The following GLIS3 variants were observed in gnomAD, a reference collection of about 807,000 sequenced individuals.
GLIS3 encodes the protein GLIS family zinc finger 3.
A neutral mutation model predicts 78.6 loss-of-function variants in GLIS3; 53 were observed. The observed-to-expected ratio is 0.67, with a 90% CI of 0.54 to 0.85. The LOEUF is 0.85. Ranked by LOEUF, GLIS3 falls within the 40% of genes least tolerant of loss-of-function variation. The pLI, the probability that GLIS3 is intolerant of heterozygous loss-of-function variation, is 0.00. For missense variants in GLIS3, 1,703 were observed against 1,231.1 expected (o/e 1.38, Z -5.74); for synonymous variants, 684 against 509.9 (o/e 1.34, Z -4.60).
At chr9:4,310,179 A>T (rs1817326343) in intron 3 of GLIS3, among the ~76,000 whole-genome samples, 1 of 152,222 alleles carries the variant, frequency 6.6e-6, no homozygotes, top group Non-Finnish European at 1.5e-5. Context: ...CAATGGATGT[A>T]GTTGGTATGA....
intron 4 of GLIS3, among the ~76,000 whole-genome samples, chr9:4,094,685 T>C (rs1443540849): frequency 6.6e-6 from 1 of 152,210 alleles, no homozygotes; most frequent in Admixed American, 6.5e-5. Context: ...TAAAGGACCA[T>C]GCCTGTACAT....
At position 3,966,307 on chromosome 9, in the gene GLIS3, T is replaced by C. The variant is rs74769344; in HGVS notation, c.1711-29118A>G. On this transcript the variant is annotated intron_variant, in intron 4 of 10. Transcript: ENST00000381971. Reference sequence around the variant, plus strand: ...CCATTATGGGACATGACTATTGTAATCAGCAGGAGCAAAAAAGTGTATTCT... The same window carrying C: ...CCATTATGGGACATGACTATTGTAACCAGCAGGAGCAAAAAAGTGTATTCT... 2.1e-3 allele frequency among the ~76,000 whole-genome samples: 316 copies of C among 152,278 alleles called. 2 individuals are homozygous for C. The highest frequency in any genetic ancestry group is 7.3e-3 in the African/African-American group (303 of 41,556).
chr9:4,250,057 C>A (rs1212853955), intron 2 of GLIS3, among the ~76,000 whole-genome samples: 3 of 152,172 alleles, frequency 2.0e-5, no homozygotes, highest in Non-Finnish European at 4.4e-5. Context: ...TGATGTTCAT[C>A]AGGGATATTG....
At chr9:4,236,086 C>T (rs557559321) in intron 2 of GLIS3, among the ~76,000 whole-genome samples, 140 of 139,350 alleles carry the variant, frequency 1.0e-3, no homozygotes, top group African/African-American at 3.2e-3. Context: ...CAACTGGAGA[C>T]AAATGATCCT....
At chr9:4,048,363 T>G (rs1004200885) in intron 4 of GLIS3, among the ~76,000 whole-genome samples, 2 of 152,196 alleles carry the variant, frequency 1.3e-5, no homozygotes, top group African/African-American at 4.8e-5. Context: ...GGGATCCTGC[T>G]GGAAACTTAT....
the GLIS3 span, among the ~76,000 whole-genome samples, chr9:4,428,051 C>G: frequency 4.6e-5 from 7 of 151,702 alleles, no homozygotes; most frequent in East Asian, 7.8e-4. Context: ...TTTCCAGTGC[C>G]GGGAATAGCA....
chr9:4,105,487 T>G (rs1343666905), intron 4 of GLIS3, among the ~76,000 whole-genome samples: 2 of 152,204 alleles, frequency 1.3e-5, no homozygotes, highest in African/African-American at 2.4e-5. Flanking sequence ...TTGGAGGAAA[T>G]GTATAATCAG....
chr9:3,918,612 G>T (rs962137986), intron 6 of GLIS3, among the ~76,000 whole-genome samples: 3 of 152,078 alleles, frequency 2.0e-5, no homozygotes, highest in African/African-American at 4.8e-5. Flanking sequence ...CTCTGACCCA[G>T]GAGTCTCATG....
At chr9:4,236,150 T>C (rs1286690928) in intron 2 of GLIS3, among the ~76,000 whole-genome samples, 3 of 114,500 alleles carry the variant, frequency 2.6e-5, no homozygotes, top group African/African-American at 6.8e-5. Context: ...TAGTGCTCCC[T>C]GGCCACAGCT....
chr9:4,353,019 TAGG>T (rs1040126809), upstream of GLIS3, among the ~76,000 whole-genome samples: 13 of 152,112 alleles, frequency 8.5e-5, no homozygotes, highest in Non-Finnish European at 7.4e-5. Flanking sequence ...TTGGTTTGGT[TAGG>T]AGATCAGTCA....
At chr9:4,317,412 C>T (rs1252658025) in intron 2 of GLIS3, among the ~76,000 whole-genome samples, 1 of 152,198 alleles carries the variant, frequency 6.6e-6, no homozygotes, top group Non-Finnish European at 1.5e-5. Flanking sequence ...CCGAGACATT[C>T]TTCTTGCAGC....
chr9:4,093,341 G>A (rs1829680557), intron 4 of GLIS3, among the ~76,000 whole-genome samples: 1 of 152,136 alleles, frequency 6.6e-6, no homozygotes, highest in African/African-American at 2.4e-5. Context: ...TTTGCCCCCA[G>A]TGTTTGCACT....
At chr9:4,216,268 C>G (rs552143475) in intron 2 of GLIS3, among the ~76,000 whole-genome samples, 2 of 151,868 alleles carry the variant, frequency 1.3e-5, no homozygotes, top group South Asian at 4.2e-4. Flanking sequence ...GTCAGGAAAT[C>G]GAGACCATCC....
the GLIS3 span, among the ~76,000 whole-genome samples, chr9:4,404,459 T>A: frequency 6.6e-6 from 1 of 152,194 alleles, no homozygotes. Context: ...GAATAGACCA[T>A]ATGTTAGCTC....
intron 4 of GLIS3, among the ~76,000 whole-genome samples, chr9:4,021,895 C>T (rs548950712): frequency 6.6e-6 from 1 of 152,256 alleles, no homozygotes; most frequent in Admixed American, 6.5e-5. Context: ...GCTCCCCCAG[C>T]GGTTATTTGG....
At chr9:4,416,746 C>G in the GLIS3 span, among the ~76,000 whole-genome samples, 1 of 150,708 alleles carries the variant, frequency 6.6e-6, no homozygotes, top group African/African-American at 2.4e-5. Context: ...CTCGCCTCCA[C>G]TAAGTTCCTC....
At chr9:4,045,719 A>C (rs1227398449) in intron 4 of GLIS3, among the ~76,000 whole-genome samples, 2 of 152,160 alleles carry the variant, frequency 1.3e-5, no homozygotes, top group African/African-American at 2.4e-5. Context: ...GGAAAGAATC[A>C]GACAAGAGGC....
chr9:4,333,235 G>C (rs1173933097), intron 2 of GLIS3, among the ~76,000 whole-genome samples: 1 of 142,864 alleles, frequency 7.0e-6, no homozygotes, highest in Non-Finnish European at 1.5e-5. Context: ...GGAAGGAAAA[G>C]TGGAGGGGAA....
chr9:4,061,510 A>G lies in GLIS3; in HGVS notation c.1710+56258T>C, dbSNP rs980600648. The stretch of plus-strand genomic sequence containing the variant: ...GTTAACATTACATCACAACATAAGA[A>G]GAGAATAAAAAGGAGGACTTTCCAT... On this transcript the variant is annotated intron_variant, in intron 4 of 10. Transcript: ENST00000381971. Among the ~76,000 whole-genome samples, 9 of 152,324 alleles carry G rather than the reference A, an allele frequency of 5.9e-5. No individual in the cohort carries two copies. The South Asian group carries it at 1.9e-3, about 32-fold the overall frequency.
Sources: allele counts gnomAD v4.1 joint callset (sites outside exome capture counted in the v4.1 genomes callset), GRCh38; gene constraint gnomAD v4.1.1; transcripts MANE v1.5; gene names NCBI Gene and HGNC (gene_info 2026-07-23, HGNC 2026-07-21).